Variants in NCAM2 observed in about 807,000 individuals in gnomAD.
NCAM2 encodes the protein neural cell adhesion molecule 2, also known as N-CAM-2.
Under a neutral mutation model 98.1 loss-of-function variants are expected in NCAM2, and 30 were observed. The observed-to-expected ratio is 0.31, with a 90% CI of 0.23 to 0.41. The LOEUF (loss-of-function observed/expected upper bound fraction) is 0.41. NCAM2 is among the 10% of genes least tolerant of loss of function. The pLI, the probability that NCAM2 is intolerant of heterozygous loss-of-function variation, is 1.00. For missense variants in NCAM2, 867 were observed against 1,005.8 expected (o/e 0.86, Z 1.87); for synonymous variants, 368 against 342.4 (o/e 1.07, Z -0.83).
chr21:21,400,194 C>T (rs1444304824), intron 9 of NCAM2, among the ~76,000 whole-genome samples: 3 of 152,110 alleles, frequency 2.0e-5, no homozygotes, highest in Non-Finnish European at 4.4e-5. Context: ...CAGATGCTGG[C>T]ATATGTTACT....
intron 1 of NCAM2, chr21:21,147,025 C>A: frequency 3.6e-6 from 3 of 824,164 alleles, no homozygotes; most frequent in South Asian, 1.1e-4. Flanking sequence ...TGAAATCTCG[C>A]GCCCTGTCCC....
intron 16 of NCAM2, among the ~76,000 whole-genome samples, chr21:21,531,947 C>T (rs1315405108): frequency 1.3e-5 from 2 of 150,752 alleles, no homozygotes; most frequent in Admixed American, 1.3e-4. Flanking sequence ...GAGCCGAGAT[C>T]ACGCCACTGC....
chr21:21,202,800 T>A (rs1009253279), intron 1 of NCAM2, among the ~76,000 whole-genome samples: 1 of 147,090 alleles, frequency 6.8e-6, no homozygotes, highest in Non-Finnish European at 1.5e-5. Flanking sequence ...GTTCTCAAAC[T>A]TTTAACTTGC....
chr21:21,280,069 A>C (rs937802131), intron 1 of NCAM2, among the ~76,000 whole-genome samples: 1 of 152,138 alleles, frequency 6.6e-6, no homozygotes, highest in Non-Finnish European at 1.5e-5. Flanking sequence ...ATCTTGTGAA[A>C]ATCAGTGCTG....
chr21:21,462,850 A>G (rs1983167668), intron 12 of NCAM2, among the ~76,000 whole-genome samples: 1 of 152,122 alleles, frequency 6.6e-6, no homozygotes, highest in South Asian at 2.1e-4. Context: ...AACCGTGTTA[A>G]GATTTGTAAA....
intron 5 of NCAM2, among the ~76,000 whole-genome samples, chr21:21,318,600 A>G (rs1364955811): frequency 6.6e-6 from 1 of 152,230 alleles, no homozygotes; most frequent in Admixed American, 6.5e-5. Context: ...GTTAGTATAG[A>G]AAATTGTATA....
chr21:21,412,020 A>C (rs1333657946), intron 10 of NCAM2, among the ~76,000 whole-genome samples: 1 of 152,234 alleles, frequency 6.6e-6, no homozygotes, highest in African/African-American at 2.4e-5. Context: ...TGAAAAGCTC[A>C]GGTTAGATTT....
chr21:21,540,848 T>C lies in NCAM2; in HGVS notation c.*2891T>C, dbSNP rs1260213122. On this transcript the variant is annotated 3_prime_UTR_variant, in exon 18 of 18. Coordinates refer to ENST00000400546, the MANE Select transcript of NCAM2 (RefSeq NM_004540.5). ...CAACATATAAGAGGAAAGAGTAATA[T>C]CAGAATTTTGACACAAATTAATGTG... The C allele has an allele frequency of 6.6e-6, 1 of 151,940 alleles. No individual in the cohort carries two copies. The highest frequency in any genetic ancestry group is 2.4e-5 in the African/African-American group (1 of 41,436). 9.4% of individuals were successfully genotyped at this position (151,940 alleles called of 1,614,324 possible). A position where few individuals can be genotyped will look rare whatever the true frequency, so the allele number is the denominator to read the frequency against.
chr21:21,192,740 G>A (rs1296038873), intron 1 of NCAM2, among the ~76,000 whole-genome samples: 4 of 152,178 alleles, frequency 2.6e-5, no homozygotes, highest in Non-Finnish European at 5.9e-5. Context: ...ACAACCGTGA[G>A]TGAATAGAGT....
intron 1 of NCAM2, among the ~76,000 whole-genome samples, chr21:21,152,425 A>T (rs527966023): frequency 3.3e-4 from 50 of 151,874 alleles, no homozygotes; most frequent in African/African-American, 1.2e-3. Context: ...ATGAATTTTC[A>T]GTAGTCTACT....
At chr21:21,020,563 A>G (rs951912189) in intron 1 of NCAM2, among the ~76,000 whole-genome samples, 9 of 152,134 alleles carry the variant, frequency 5.9e-5, no homozygotes, top group African/African-American at 1.9e-4. Context: ...ACAAGCACAG[A>G]TGTTTCCGCA....
At position 21,418,475 on chromosome 21, in the gene NCAM2, T is replaced by A; in HGVS notation, c.1386T>A (p.Ile462=). Residue 462 remains isoleucine (I), a splice_region_variant and synonymous_variant, in exon 11 of 18, where the codon ATT becomes ATA. Transcript: ENST00000400546. Reference sequence around the variant, plus strand: ...ATTTGTTATTATAATTATTTCAGATTGCACCTACATCTGACAATGACTTTG... The same window carrying A: ...ATTTGTTATTATAATTATTTCAGATAGCACCTACATCTGACAATGACTTTG... ...YSTGRKMILE[I]APTSDNDFGR... The A allele has an allele frequency of 1.3e-6, 2 of 1,597,762 alleles. No homozygotes were observed. Among genetic ancestry groups the A allele is most frequent in the Non-Finnish European group, 1.7e-6 (2 of 1,165,836 alleles).
intron 5 of NCAM2, among the ~76,000 whole-genome samples, chr21:21,297,335 A>G (rs2073524293): frequency 6.6e-6 from 1 of 151,682 alleles, no homozygotes; most frequent in South Asian, 2.1e-4. Context: ...CATTGATATA[A>G]TCTTGATAGT....
At chr21:21,484,654 A>G (rs977920974) in intron 15 of NCAM2, among the ~76,000 whole-genome samples, 1 of 152,170 alleles carries the variant, frequency 6.6e-6, no homozygotes. Context: ...ATAATAAAAT[A>G]TTTCCTAAGG....
rs5842877 is a variant in NCAM2, at chr21:21,052,150, A to ATTTTTTTTTTTT, written c.55+53546_55+53557dup. ...ATGAGAACTCAAACTCATGATGGCC[A>ATTTTTTTTTTTT]TTTTTTTTTTTTTTTTTTTTTTTTT... On this transcript the variant is annotated intron_variant, in intron 1 of 17. Transcript: ENST00000400546. Among the ~76,000 whole-genome samples, 29 of 74,808 alleles carry ATTTTTTTTTTTT rather than the reference A, an allele frequency of 3.9e-4. 1 individual carries two copies. The highest frequency in any genetic ancestry group is 1.7e-3 in the African/African-American group (29 of 17,172). The allele number at this position is 74,808 out of a possible 152,430, so 49.1% of individuals were successfully genotyped here. A position where few individuals can be genotyped will look rare whatever the true frequency, so the allele number is the denominator to read the frequency against.
At chr21:21,451,968 CTT>C (rs1981143562) in intron 12 of NCAM2, among the ~76,000 whole-genome samples, 2 of 152,084 alleles carry the variant, frequency 1.3e-5, no homozygotes, top group Non-Finnish European at 1.5e-5. Flanking sequence ...ATCTTCAACT[CTT>C]TCTTGACAAA....
intron 1 of NCAM2, among the ~76,000 whole-genome samples, chr21:21,094,264 T>C (rs1011370054): frequency 2.6e-5 from 4 of 151,806 alleles, no homozygotes; most frequent in African/African-American, 9.7e-5. Flanking sequence ...CAAATATCCA[T>C]TGGAAATGAA....
chr21:21,466,559 A>G, intron 12 of NCAM2, 47 bp from the exon 13 acceptor site: 2 of 1,342,170 alleles, frequency 1.5e-6, no homozygotes, highest in South Asian at 1.4e-5. Context: ...AATTAGATAT[A>G]TATGTATATA....
intron 11 of NCAM2, among the ~76,000 whole-genome samples, chr21:21,431,373 A>G (rs2077340719): frequency 6.6e-6 from 1 of 151,626 alleles, no homozygotes; most frequent in African/African-American, 2.4e-5. Flanking sequence ...TTCTTCCGAA[A>G]TAATTTTTTA....
Sources: allele counts gnomAD v4.1 joint callset (sites outside exome capture counted in the v4.1 genomes callset), GRCh38; gene constraint gnomAD v4.1.1; transcripts MANE v1.5; gene names NCBI Gene and HGNC (gene_info 2026-07-23, HGNC 2026-07-21).